NTN4: variants seen among roughly 807,000 people sequenced by gnomAD.
NTN4 encodes the protein netrin-4.
In NTN4, 32 loss-of-function variants were observed where a neutral mutation model predicts 73.6. That is an observed-to-expected ratio of 0.44 (90% CI 0.33 to 0.58). The LOEUF (loss-of-function observed/expected upper bound fraction) is 0.58, where lower values mean the gene tolerates loss of function less well. Among genes scored for constraint, NTN4 ranks in the 20% least tolerant of loss-of-function variants. The pLI is 0.04. For missense variants in NTN4, 654 were observed against 798.3 expected (o/e 0.82, Z 2.18); for synonymous variants, 258 against 287.5 (o/e 0.90, Z 1.04).
chr12:95,768,226 G>A (rs1277779115), intron 2 of NTN4, among the ~76,000 whole-genome samples: 2 of 152,120 alleles, frequency 1.3e-5, no homozygotes, highest in Non-Finnish European at 2.9e-5. Flanking sequence ...TATGACAGAG[G>A]TGAACATAGG....
At chr12:95,754,334 C>A (rs878932737) in intron 2 of NTN4, among the ~76,000 whole-genome samples, 1 of 152,000 alleles carries the variant, frequency 6.6e-6, no homozygotes, top group Admixed American at 6.6e-5. Flanking sequence ...CCCCTAATCC[C>A]GCTCGAAGCA....
intron 2 of NTN4, among the ~76,000 whole-genome samples, chr12:95,780,946 A>G (rs1465576904): frequency 6.6e-6 from 1 of 152,242 alleles, no homozygotes; most frequent in Non-Finnish European, 1.5e-5. Flanking sequence ...TGGCACATAT[A>G]CACCATGGAA....
At chr12:95,775,256 G>C (rs1555221802) in intron 2 of NTN4, among the ~76,000 whole-genome samples, 1 of 152,218 alleles carries the variant, frequency 6.6e-6, no homozygotes, top group Non-Finnish European at 1.5e-5. Context: ...CAGTGTGAGT[G>C]ACACAGAAGA....
At chr12:95,712,221 A>G (rs1565892890) in intron 4 of NTN4, among the ~76,000 whole-genome samples, 1 of 152,194 alleles carries the variant, frequency 6.6e-6, no homozygotes, top group Non-Finnish European at 1.5e-5. Flanking sequence ...TAACCTTCCT[A>G]TTTAATCTCC....
At chr12:95,690,509 T>C (rs1565885646) in intron 5 of NTN4, among the ~76,000 whole-genome samples, 3 of 152,230 alleles carry the variant, frequency 2.0e-5, no homozygotes. Context: ...AATTTCCTAA[T>C]TTTTTTCTTC....
In NTN4 at chr12:95,695,055, G is replaced by A. The variant is rs559320093; in HGVS notation, c.1181-11344C>T. Among the ~76,000 whole-genome samples the A allele has an allele frequency of 3.3e-5, 5 of 152,044 alleles. No individual in the cohort carries two copies. The South Asian group carries it at 8.3e-4, about 25-fold the overall frequency. On this transcript the variant is annotated intron_variant, in intron 5 of 9. Coordinates refer to ENST00000343702, the MANE Select transcript of NTN4 (RefSeq NM_021229.4). ...AGGCACAAGAATGGTTTGAACCTGG[G>A]AGGTGAAGGTTGCAGTGAGCGGAGA...
chr12:95,697,212 G>A (rs1041249046), intron 5 of NTN4, among the ~76,000 whole-genome samples: 2 of 151,682 alleles, frequency 1.3e-5, no homozygotes, highest in African/African-American at 2.4e-5. Flanking sequence ...ATTCTAACTT[G>A]ATAGGGGACA....
At chr12:95,715,349 A>T (rs907478098) in intron 3 of NTN4, among the ~76,000 whole-genome samples, 12 of 152,102 alleles carry the variant, frequency 7.9e-5, no homozygotes, top group East Asian at 1.9e-4. Flanking sequence ...CAGATTTTTT[A>T]AAAATAGGGT....
intron 1 of NTN4, among the ~76,000 whole-genome samples, chr12:95,788,986 GT>G (rs914802842): frequency 6.6e-6 from 1 of 152,016 alleles, no homozygotes; most frequent in African/African-American, 2.4e-5. Context: ...GAAGGAAAAG[GT>G]TTTTTTTAAA....
intron 7 of NTN4, among the ~76,000 whole-genome samples, chr12:95,674,909 C>T (rs988031349): frequency 6.6e-6 from 1 of 152,166 alleles, no homozygotes; most frequent in African/African-American, 2.4e-5. Flanking sequence ...ATGTGCTTGG[C>T]TGGAATGCTG....
chr12:95,772,644 C>G (rs1385417635), intron 2 of NTN4, among the ~76,000 whole-genome samples: 1 of 152,206 alleles, frequency 6.6e-6, no homozygotes, highest in Non-Finnish European at 1.5e-5. Context: ...CACATCTTCT[C>G]TATCTCAGTA....
In NTN4 at chr12:95,789,134, G is replaced by A. The variant is rs2079189622; in HGVS notation, c.55+1121C>T. The stretch of plus-strand genomic sequence containing the variant: ...ATTTGAGCCAGATAAAGAATCCATG[G>A]GGCAAAATACTTGGAGTCACTCAAG... On this transcript the variant is annotated intron_variant, in intron 1 of 9. Transcript: ENST00000343702. This position sits in a 1 kb window ranked among gnomAD's most constrained non-coding sequence, Gnocchi z 4.0. Among the ~76,000 whole-genome samples the A allele has an allele frequency of 2.6e-5, 4 of 152,104 alleles. No individual in the cohort carries two copies. The highest frequency in any genetic ancestry group is 2.6e-4 in the Admixed American group (4 of 15,274).
chr12:95,773,656 G>A (rs577684565), intron 2 of NTN4, among the ~76,000 whole-genome samples: 1 of 151,638 alleles, frequency 6.6e-6, no homozygotes, highest in East Asian at 1.9e-4. Flanking sequence ...TTATTCGAAC[G>A]TCTCAATGAG....
chr12:95,768,883 G>A (rs12371207), intron 2 of NTN4, among the ~76,000 whole-genome samples: 52,058 of 151,940 alleles, frequency 0.34, 9,531 homozygotes, highest in East Asian at 0.62. Context: ...GATGATCGAA[G>A]CTGGCTGAAG....
chr12:95,771,052 C>T (rs991472752), intron 2 of NTN4, among the ~76,000 whole-genome samples: 47 of 146,260 alleles, frequency 3.2e-4, no homozygotes, highest in African/African-American at 1.0e-3. Context: ...TGCAGTGGCG[C>T]GATCTCGGCT....
intron 5 of NTN4, among the ~76,000 whole-genome samples, chr12:95,689,273 A>T: frequency 6.6e-6 from 1 of 152,234 alleles, no homozygotes; most frequent in Non-Finnish European, 1.5e-5. Context: ...AAGCATTTGT[A>T]GTTTCCAAAA....
Position 95,665,831 on chromosome 12 carries a change from T to C in NTN4, c.1729A>G (p.Thr577Ala), listed in dbSNP as rs1464699247. The C allele has an allele frequency of 6.2e-7, 1 of 1,613,812 alleles. No individual in the cohort carries two copies. Among genetic ancestry groups the C allele is most frequent in the South Asian group, 1.1e-5 (1 of 91,038 alleles). The change falls in exon 9 of 10, where the codon ACT (threonine) becomes GCT (alanine). Residue 577 changes from threonine to alanine, a missense_variant. Transcript: ENST00000343702. ...TCACCAGGATTGAGGATTGGACAAG[T>C]GCATCCTCTGTCCGTCCATGATTCT... is the stretch of plus-strand genomic sequence containing the variant. ...YPESWTDRGC[T>A]CPILNPGLEY...
chr12:95,674,162 C>CAAAA (rs35764079), intron 7 of NTN4, among the ~76,000 whole-genome samples: 2 of 146,844 alleles, frequency 1.4e-5, no homozygotes, highest in East Asian at 3.9e-4. Flanking sequence ...GAGACTCTGC[C>CAAAA]AAAAAAAAAA....
chr12:95,710,376 G>T, intron 5 of NTN4, 65 bp downstream of exon 5: 1 of 1,313,322 alleles, frequency 7.6e-7, no homozygotes, highest in Non-Finnish European at 1.1e-6. Context: ...TTAGCAGAAT[G>T]AGGGATAAAG....
Sources: gnomAD v4.1 joint callset for allele counts (sites outside exome capture counted in the v4.1 genomes callset) on GRCh38, gnomAD v4.1.1 for gene constraint, Gnocchi (gnomAD v3.1) non-coding constraint, MANE v1.5 for transcripts, NCBI Gene and HGNC (gene_info 2026-07-23, HGNC 2026-07-21) for gene names.